MYLK4: variants seen among roughly 807,000 people sequenced by gnomAD.
The protein encoded by MYLK4 is myosin light chain kinase family member 4.
A neutral mutation model predicts 48.1 loss-of-function variants in MYLK4; 46 were observed. The observed-to-expected ratio is 0.96, with a 90% confidence interval of 0.75 to 1.22. The LOEUF (loss-of-function observed/expected upper bound fraction) is 1.22. Ranked by LOEUF, MYLK4 falls within the 50% of genes most tolerant of loss-of-function variation. The pLI, the probability that MYLK4 is intolerant of heterozygous loss-of-function variation, is 0.00. For synonymous variants in MYLK4, 170 were observed against 180.8 expected, an observed-to-expected ratio of 0.94 and a Z score of 0.48; for missense variants, 451 against 486.1, an observed-to-expected ratio of 0.93 and a Z score of 0.68.
chr6:2,762,399 G>A, the MYLK4 span, among the ~76,000 whole-genome samples: 1 of 152,110 alleles, frequency 6.6e-6, no homozygotes, highest in Non-Finnish European at 1.5e-5. Flanking sequence ...ATTTTCCACA[G>A]CATTATTTTC....
rs190790175 is a variant in MYLK4, at chr6:2,743,540, C to T, written c.159+5596G>A. Among the ~76,000 whole-genome samples the T allele has an allele frequency of 1.2e-4, 18 of 152,256 alleles. No homozygotes were observed. In the South Asian group the frequency reaches 2.3e-3, roughly 19 times the overall value. On this transcript the variant is annotated intron_variant, in intron 2 of 12. Coordinates refer to ENST00000274643, the MANE Select transcript of MYLK4 (RefSeq NM_001012418.5). ...TCACTGCAGGTGCTGTGTTTGCAAT[C>T]GATTTCTTAGTAAGAGTAGAAGCAC...
chr6:2,698,320 C>T (rs1454399436), intron 2 of MYLK4, among the ~76,000 whole-genome samples: 3 of 152,206 alleles, frequency 2.0e-5, no homozygotes, highest in Admixed American at 1.3e-4. Flanking sequence ...TTTCAAACCT[C>T]CTCAGCTCTG....
intron 2 of MYLK4, among the ~76,000 whole-genome samples, chr6:2,708,647 G>A (rs1762573637): frequency 6.6e-6 from 1 of 152,126 alleles, no homozygotes; most frequent in African/African-American, 2.4e-5. Flanking sequence ...TTACACCCAG[G>A]ACTATATGTT....
the MYLK4 span, among the ~76,000 whole-genome samples, chr6:2,758,732 G>A: frequency 2.0e-5 from 3 of 152,058 alleles, no homozygotes; most frequent in East Asian, 5.8e-4. Flanking sequence ...TATTCATACT[G>A]TTTGTATTAT....
the MYLK4 span, among the ~76,000 whole-genome samples, chr6:2,760,848 A>G: frequency 1.3e-5 from 2 of 152,240 alleles, no homozygotes; most frequent in African/African-American, 2.4e-5. Flanking sequence ...ACAATACGAA[A>G]TGTGGCATAG....
At chr6:2,680,454 G>T in intron 7 of MYLK4, 163 bp from the exon 8 acceptor site, 1 of 985,376 alleles carries the variant, frequency 1.0e-6, no homozygotes, top group Non-Finnish European at 1.2e-6. Context: ...TAATTATGTG[G>T]TGGATGAGGT....
chr6:2,730,278 C>G (rs1019574841), intron 2 of MYLK4, among the ~76,000 whole-genome samples: 1 of 152,204 alleles, frequency 6.6e-6, no homozygotes, highest in Non-Finnish European at 1.5e-5. Flanking sequence ...CAATCTACTG[C>G]CCCCAAGGGA....
chr6:2,731,806 A>G (rs1342714197), intron 2 of MYLK4, among the ~76,000 whole-genome samples: 2 of 152,252 alleles, frequency 1.3e-5, no homozygotes, highest in Non-Finnish European at 2.9e-5. Context: ...TTATATGCGT[A>G]GGTTATCTTT....
intron 2 of MYLK4, among the ~76,000 whole-genome samples, chr6:2,723,157 G>A (rs1159566544): frequency 2.0e-5 from 3 of 152,168 alleles, no homozygotes; most frequent in African/African-American, 7.2e-5. Flanking sequence ...GCTGGGCATG[G>A]TAGCGCATGC....
chr6:2,766,051 G>T, the MYLK4 span: 19 of 1,295,442 alleles, frequency 1.5e-5, 1 homozygote, highest in Middle Eastern at 2.9e-4. Flanking sequence ...GGAAGAGGCC[G>T]GCGGCCGCCG....
At position 2,680,218 on chromosome 6, in the gene MYLK4, T is replaced by C. The variant is rs200285146; in HGVS notation, c.758+3A>G. ...TCGTACACCTATGTCCAAATAGACA[T>C]ACCTTCTGGCCAATCCAAAATCAAT... is the stretch of plus-strand genomic sequence containing the variant. On this transcript the variant is annotated splice_donor_region_variant and intron_variant, in intron 8 of 12. Transcript: ENST00000274643. The C allele has an allele frequency of 2.2e-4, 355 of 1,614,016 alleles. 1 individual carries two copies. The highest frequency in any genetic ancestry group is 2.0e-3 in the Middle Eastern group (12 of 6,084).
chr6:2,701,453 C>A (rs141212523), intron 2 of MYLK4, among the ~76,000 whole-genome samples: 1 of 152,074 alleles, frequency 6.6e-6, no homozygotes, highest in South Asian at 2.1e-4. Context: ...TAGAGATCTG[C>A]GCTTAGACTC....
chr6:2,677,676 A>G (rs1220930548), intron 10 of MYLK4, among the ~76,000 whole-genome samples: 1 of 152,208 alleles, frequency 6.6e-6, no homozygotes, highest in African/African-American at 2.4e-5. Context: ...GCCGTTGGGG[A>G]AGGAGAACTA....
In MYLK4 at chr6:2,673,090, T is replaced by C. The variant is rs1227515185; in HGVS notation, c.1120-1742A>G. On this transcript the variant is annotated intron_variant, in intron 11 of 12. Transcript: ENST00000274643. This position sits in a 1 kb window ranked among gnomAD's most constrained non-coding sequence, Gnocchi z 4.2. ...GGATACAAAAGGTGATTTTACTTGTTGTTATATGGTTTAAAAAATATTCTT... is the reference window on the plus strand; with the variant it reads ...GGATACAAAAGGTGATTTTACTTGTCGTTATATGGTTTAAAAAATATTCTT... Among the ~76,000 whole-genome samples the C allele has an allele frequency of 2.0e-5, 3 of 152,232 alleles. No homozygotes were observed. Among genetic ancestry groups the C allele is most frequent in the Non-Finnish European group, 4.4e-5 (3 of 68,044 alleles).
intron 2 of MYLK4, among the ~76,000 whole-genome samples, chr6:2,730,662 G>T (rs563076502): frequency 2.6e-4 from 40 of 152,012 alleles, no homozygotes; most frequent in African/African-American, 9.7e-4. Context: ...ATACAGAGGA[G>T]ATGCTTACCA....
the MYLK4 span, chr6:2,765,479 G>T: frequency 9.3e-7 from 1 of 1,070,190 alleles, no homozygotes; most frequent in Non-Finnish European, 1.2e-6. Context: ...GGCATGAGCG[G>T]CGCCCTCCTC....
chr6:2,725,641 A>C (rs893914935), intron 2 of MYLK4, among the ~76,000 whole-genome samples: 2 of 141,668 alleles, frequency 1.4e-5, no homozygotes, highest in African/African-American at 2.7e-5. Flanking sequence ...GAAAGAAAGA[A>C]GGAAAGAGAG....
intron 2 of MYLK4, among the ~76,000 whole-genome samples, chr6:2,717,823 G>A (rs1762921536): frequency 6.6e-6 from 1 of 152,186 alleles, no homozygotes; most frequent in Non-Finnish European, 1.5e-5. Flanking sequence ...CCTCTGAGAA[G>A]TGCTTTAAAC....
rs968293672 is a variant in MYLK4 at position 2,749,248 on chromosome 6, C to G, written c.47G>C (p.Ser16Thr). 3 of 1,613,946 alleles carry G rather than the reference C, an allele frequency of 1.9e-6. No individual in the cohort carries two copies. In the African/African-American group the frequency reaches 4.0e-5, roughly 22 times the overall value. The change falls in exon 2 of 13, where the codon AGC becomes ACC. Residue 16 changes from serine (S) to threonine (T), a missense_variant. Transcript: ENST00000274643. ...AAAGGCCATTTTCTCCAGCTGGTTG[C>G]TGTTATAACACGTGTTGAATTCTTC... The part of the protein sequence containing the change: ...RLEEFNTCYN[S>T]NQLEKMAFFQ...
Sources: gnomAD v4.1 joint callset for allele counts (sites outside exome capture counted in the v4.1 genomes callset) on GRCh38, gnomAD v4.1.1 for gene constraint, Gnocchi (gnomAD v3.1) non-coding constraint, MANE v1.5 for transcripts, NCBI Gene and HGNC (gene_info 2026-07-23, HGNC 2026-07-21) for gene names.